Variants in ETV6 observed in about 807,000 individuals in gnomAD.
ETV6 encodes transcription factor ETV6.
Under a neutral mutation model 51.1 loss-of-function variants are expected in ETV6, and 16 were observed. The ratio of observed to expected loss-of-function variants is 0.31; its 90% CI spans 0.21 to 0.48. The LOEUF (loss-of-function observed/expected upper bound fraction) is 0.48, where lower values mean the gene tolerates loss of function less well. Among genes scored for constraint, ETV6 ranks in the 20% least tolerant of loss-of-function variants. The probability of loss-of-function intolerance (pLI) is 0.99; values close to 1 mark genes in which losing one functional copy is unlikely to be tolerated. For synonymous variants in ETV6, 240 were observed against 224.1 expected (o/e 1.07, Z -0.64); for missense variants, 458 against 594.8 (o/e 0.77, Z 2.39).
intron 2 of ETV6, among the ~76,000 whole-genome samples, chr12:11,757,884 C>T (rs1945030243): frequency 6.6e-6 from 1 of 152,148 alleles, no homozygotes; most frequent in Non-Finnish European, 1.5e-5. Flanking sequence ...ACAGCCTGTC[C>T]CTGTGGATGG....
intron 2 of ETV6, among the ~76,000 whole-genome samples, chr12:11,824,340 A>G (rs987023110): frequency 1.3e-5 from 2 of 152,150 alleles, no homozygotes; most frequent in Non-Finnish European, 2.9e-5. Flanking sequence ...GCTCGTTCCT[A>G]TAGTAGTGAG....
At chr12:11,842,543 C>T (rs2136470106) in intron 3 of ETV6, among the ~76,000 whole-genome samples, 2 of 152,276 alleles carry the variant, frequency 1.3e-5, no homozygotes, top group South Asian at 4.1e-4. Context: ...CGCCAAGTCT[C>T]CAGTACCTAA....
intron 1 of ETV6, among the ~76,000 whole-genome samples, chr12:11,694,346 A>G (rs905143815): frequency 6.6e-6 from 1 of 152,224 alleles, no homozygotes; most frequent in Admixed American, 6.5e-5. Flanking sequence ...GTAAGATGTA[A>G]TGCACATGAC....
At chr12:11,763,051 T>C (rs1018817546) in intron 2 of ETV6, among the ~76,000 whole-genome samples, 1 of 152,180 alleles carries the variant, frequency 6.6e-6, no homozygotes, top group Non-Finnish European at 1.5e-5. Context: ...AAACCTGTTA[T>C]TCGGATGGGT....
chr12:11,661,736 T>A (rs1008922781), intron 1 of ETV6, among the ~76,000 whole-genome samples: 4 of 152,176 alleles, frequency 2.6e-5, no homozygotes, highest in African/African-American at 9.7e-5. Context: ...GTTGGTGAGG[T>A]AAGAGTGTTT....
chr12:11,887,014 T>G (rs541501268), intron 7 of ETV6, among the ~76,000 whole-genome samples: 42 of 152,186 alleles, frequency 2.8e-4, no homozygotes, highest in Non-Finnish European at 4.7e-4. Context: ...CTGATATGAT[T>G]AATTTATTGG....
intron 5 of ETV6, among the ~76,000 whole-genome samples, chr12:11,874,499 T>C (rs376643350): frequency 0.088 from 535 of 6,064 alleles, 234 homozygotes; most frequent in African/African-American, 0.14. Context: ...TACACACATA[T>C]GTGTATGTGC....
intron 1 of ETV6, among the ~76,000 whole-genome samples, chr12:11,664,206 C>G (rs371438789): frequency 4.3e-4 from 65 of 152,338 alleles, no homozygotes; most frequent in African/African-American, 1.5e-3. Flanking sequence ...AGAACTCTTT[C>G]TTGTTACTAC....
chr12:11,724,689 C>G (rs1034449055), intron 1 of ETV6, among the ~76,000 whole-genome samples: 7 of 152,192 alleles, frequency 4.6e-5, no homozygotes, highest in Non-Finnish European at 7.4e-5. Context: ...AAATAATAAG[C>G]CTTAGAGAAC....
intron 2 of ETV6, among the ~76,000 whole-genome samples, chr12:11,776,513 G>T (rs979758656): frequency 5.3e-5 from 8 of 151,742 alleles, no homozygotes; most frequent in African/African-American, 1.7e-4. Flanking sequence ...CCAAAGTGCT[G>T]GGATAAAAGG....
intron 1 of ETV6, among the ~76,000 whole-genome samples, chr12:11,711,016 T>G (rs547053579): frequency 6.6e-6 from 1 of 152,310 alleles, no homozygotes; most frequent in East Asian, 1.9e-4. Context: ...TCAGCTAGAC[T>G]TGGTAAATAT....
intron 2 of ETV6, among the ~76,000 whole-genome samples, chr12:11,824,640 G>A (rs571712226): frequency 9.2e-5 from 14 of 152,288 alleles, no homozygotes; most frequent in Non-Finnish European, 1.5e-4. Context: ...TTAGCCGGGC[G>A]TGGTGATGCA....
chr12:11,822,134 C>G (rs1214710443), intron 2 of ETV6, among the ~76,000 whole-genome samples: 1 of 152,200 alleles, frequency 6.6e-6, no homozygotes, highest in East Asian at 1.9e-4. Flanking sequence ...CAGTCTCATT[C>G]ACCTTGACAT....
rs367594605 is a variant in ETV6 at position 11,650,481 on chromosome 12, T to TAAAAAAAAAAAAAAAAAA, written c.33+335_33+336insAAAAAAAAAAAAAAAAAA. Among the ~76,000 whole-genome samples the TAAAAAAAAAAAAAAAAAA allele has an allele frequency of 6.9e-4, 30 of 43,324 alleles. 5 individuals are homozygous for TAAAAAAAAAAAAAAAAAA. Among genetic ancestry groups the TAAAAAAAAAAAAAAAAAA allele is most frequent in the South Asian group, 2.8e-3 (2 of 724 alleles). The allele number at this position is 43,324 out of a possible 152,430, so 28.4% of individuals were successfully genotyped here. A position where few individuals can be genotyped will look rare whatever the true frequency, so the allele number is the denominator to read the frequency against. Reference sequence around the variant, plus strand: ...AAAACACCCCCGTAATTAGTGCGCTTAAAAAAAAAAAAAACAAAAAACAAA... The same window carrying TAAAAAAAAAAAAAAAAAA: ...AAAACACCCCCGTAATTAGTGCGCTTAAAAAAAAAAAAAAAAAAAAAAAAAAAAAAAACAAAAAACAAA... On this transcript the variant is annotated intron_variant, in intron 1 of 7. Transcript: ENST00000396373.
chr12:11,866,518 G>A (rs1946792769), intron 4 of ETV6, among the ~76,000 whole-genome samples: 1 of 152,130 alleles, frequency 6.6e-6, no homozygotes, highest in South Asian at 2.1e-4. Flanking sequence ...CAAATTACTG[G>A]CCAGTTACTT....
At chr12:11,666,064 G>A (rs556413738) in intron 1 of ETV6, among the ~76,000 whole-genome samples, 55 of 152,292 alleles carry the variant, frequency 3.6e-4, no homozygotes, top group Non-Finnish European at 6.9e-4. Flanking sequence ...GCTGTGTGCG[G>A]TCTTGGCCAT....
intron 2 of ETV6, among the ~76,000 whole-genome samples, chr12:11,802,649 C>G (rs1945767016): frequency 6.6e-6 from 1 of 152,190 alleles, no homozygotes; most frequent in African/African-American, 2.4e-5. Context: ...CAATCTTAAG[C>G]CATAGCACAA....
intron 2 of ETV6, among the ~76,000 whole-genome samples, chr12:11,760,100 TGAA>T (rs1328073834): frequency 3.3e-5 from 5 of 152,230 alleles, no homozygotes; most frequent in Non-Finnish European, 7.3e-5. Context: ...TGATCTCTTC[TGAA>T]GGAGGGGTAG....
rs747325181 is a variant in ETV6, at chr12:11,869,890, A to G, written c.930A>G (p.Glu310=). 2.5e-6 allele frequency: 4 copies of G among 1,612,832 alleles called. No individual in the cohort carries two copies. Among genetic ancestry groups the G allele is most frequent in the Non-Finnish European group, 3.4e-6 (4 of 1,180,028 alleles). Residue 310 remains glutamate (E), a synonymous_variant, in exon 5 of 8, where the codon GAA becomes GAG. Transcript: ENST00000396373. This position sits in a 1 kb window ranked among gnomAD's most constrained non-coding sequence, Gnocchi z 5.0. ...EGKPINLSHR[E]DLAYMNHIMV... is the part of the protein sequence containing the mutation. ...AGCCCATCAACCTCTCTCATCGGGA[A>G]GACCTGGCTTACATGAACCACATCA...
Sources: gnomAD v4.1 joint callset for allele counts (sites outside exome capture counted in the v4.1 genomes callset) on GRCh38, gnomAD v4.1.1 for gene constraint, Gnocchi (gnomAD v3.1) non-coding constraint, MANE v1.5 for transcripts, NCBI Gene and HGNC (gene_info 2026-07-23, HGNC 2026-07-21) for gene names.